Variants in MYO10 observed in about 807,000 individuals in gnomAD.
MYO10 encodes the protein myosin X.
MYO10 carries 133 observed loss-of-function variants against 257.3 expected under a neutral mutation model. The ratio of observed to expected loss-of-function variants is 0.52; its 90% CI spans 0.45 to 0.60. The LOEUF (loss-of-function observed/expected upper bound fraction) is 0.60. MYO10 is among the 20% of genes least tolerant of loss of function. MYO10 has a pLI of 0.00. For missense variants in MYO10, 2,399 were observed against 2,635.7 expected, an observed-to-expected ratio of 0.91 and a Z score of 1.97; for synonymous variants, 1,104 against 1,028.6, an observed-to-expected ratio of 1.07 and a Z score of -1.40.
chr5:16,729,178 A>G (rs1739484218), intron 19 of MYO10, among the ~76,000 whole-genome samples: 1 of 152,184 alleles, frequency 6.6e-6, no homozygotes, highest in Non-Finnish European at 1.5e-5. Flanking sequence ...GGTGTATATA[A>G]AAATCCACTG....
intron 2 of MYO10, among the ~76,000 whole-genome samples, chr5:16,874,143 G>A (rs1286577999): frequency 6.6e-6 from 1 of 151,882 alleles, no homozygotes; most frequent in East Asian, 1.9e-4. Flanking sequence ...GACCATCCTG[G>A]CTAACACGGT....
At chr5:16,905,360 G>C (rs981156093) in intron 1 of MYO10, among the ~76,000 whole-genome samples, 2 of 152,146 alleles carry the variant, frequency 1.3e-5, no homozygotes, top group East Asian at 3.9e-4. Context: ...AGCCCTTACT[G>C]TGTCTGAGTG....
At chr5:16,772,202 G>A (rs980442186) in intron 9 of MYO10, among the ~76,000 whole-genome samples, 10 of 150,618 alleles carry the variant, frequency 6.6e-5, no homozygotes, top group South Asian at 2.1e-4. Context: ...GCATGATCTC[G>A]GCTCACTACA....
intron 36 of MYO10, among the ~76,000 whole-genome samples, chr5:16,673,043 T>G (rs1736544820): frequency 6.6e-6 from 1 of 152,230 alleles, no homozygotes; most frequent in Admixed American, 6.5e-5. Context: ...TGAAAATAAC[T>G]CAGGGTATTT....
At chr5:16,781,263 A>G (rs1488360846) in intron 6 of MYO10, among the ~76,000 whole-genome samples, 3 of 151,846 alleles carry the variant, frequency 2.0e-5, no homozygotes, top group Admixed American at 2.0e-4. Flanking sequence ...TATTTTTAGT[A>G]TCGGTGGGGT....
At chr5:16,899,637 A>AAAAAACAAAAAAC (rs1554007337) in intron 1 of MYO10, among the ~76,000 whole-genome samples, 2 of 151,772 alleles carry the variant, frequency 1.3e-5, no homozygotes, top group African/African-American at 4.8e-5. Context: ...TCAAAAAAAA[A>AAAAAACAAAAAAC]AAAAACAAAA....
At position 16,670,682 on chromosome 5, in the gene MYO10, C is replaced by T. The variant is rs1383431087; in HGVS notation, c.5727G>A (p.Leu1909=). 3.1e-6 allele frequency: 5 copies of T among 1,614,026 alleles called. No individual in the cohort carries two copies. The South Asian group carries it at 5.5e-5, about 18-fold the overall frequency. ...VRQKVEEEQM[L]DMWIKEEVSS... ...AGACTTCTTCCTTAATCCACATGTC[C>T]AGCATCTGCTCCTCCTCGACCTTCT... The change falls in exon 39 of 41, where the codon CTG becomes CTA. Residue 1909 remains leucine, a synonymous_variant. Coordinates refer to ENST00000513610, the MANE Select transcript of MYO10 (RefSeq NM_012334.3).
chr5:16,840,347 G>C (rs1743439265), intron 2 of MYO10, among the ~76,000 whole-genome samples: 1 of 152,170 alleles, frequency 6.6e-6, no homozygotes, highest in Admixed American at 6.5e-5. Context: ...GGGAGGCAGA[G>C]GTTGCAGTGA....
intron 19 of MYO10, among the ~76,000 whole-genome samples, chr5:16,727,973 C>T (rs1739438427): frequency 6.6e-6 from 1 of 152,020 alleles, no homozygotes; most frequent in South Asian, 2.1e-4. Context: ...TTAATTATGT[C>T]CATGGGACAT....
chr5:16,866,918 C>T (rs1744267409), intron 2 of MYO10, among the ~76,000 whole-genome samples: 1 of 152,192 alleles, frequency 6.6e-6, no homozygotes, highest in Non-Finnish European at 1.5e-5. Flanking sequence ...TGGAGCTGCC[C>T]TCCCGGACCC....
At chr5:16,841,261 T>A (rs181719779) in intron 2 of MYO10, among the ~76,000 whole-genome samples, 2 of 152,336 alleles carry the variant, frequency 1.3e-5, no homozygotes, top group East Asian at 3.9e-4. Context: ...GAATCAGTTT[T>A]AAAGTCATTT....
Position 16,666,723 on chromosome 5 carries a change from C to T in MYO10, c.6146G>A (p.Arg2049His), listed in dbSNP as rs189877968. ...GGAGCTGCCCTGGCTGCTGGCGGAGCGTGTCGTGCTGTAGCGCTTCTTCAC... is the reference window on the plus strand; with the variant it reads ...GGAGCTGCCCTGGCTGCTGGCGGAGTGTGTCGTGCTGTAGCGCTTCTTCAC... Reference protein sequence around the residue: ...MIVKKRYSTTRSASSQGSSR With the variant: ...MIVKKRYSTTHSASSQGSSR The change falls in exon 41 of 41, where the codon CGC becomes CAC. Residue 2049 changes from arginine (R) to histidine (H), a missense_variant. Transcript: ENST00000513610. The T allele has an allele frequency of 7.2e-5, 116 of 1,606,542 alleles. 1 individual carries two copies. The Middle Eastern group carries it at 9.9e-4, about 14-fold the overall frequency.
intron 1 of MYO10, among the ~76,000 whole-genome samples, chr5:16,903,216 C>T (rs1399118721): frequency 1.3e-5 from 2 of 152,192 alleles, no homozygotes; most frequent in Non-Finnish European, 2.9e-5. Flanking sequence ...ACCAGCCTGA[C>T]CAACATGGTG....
At chr5:16,799,579 G>A (rs1385608086) in intron 3 of MYO10, among the ~76,000 whole-genome samples, 2 of 151,212 alleles carry the variant, frequency 1.3e-5, no homozygotes, top group Middle Eastern at 3.4e-3. Flanking sequence ...TGCAACCTTC[G>A]CCTCCCGTGT....
intron 2 of MYO10, among the ~76,000 whole-genome samples, chr5:16,853,694 T>C (rs1743878278): frequency 6.6e-6 from 1 of 152,160 alleles, no homozygotes; most frequent in South Asian, 2.1e-4. Context: ...TGCCATCCTA[T>C]ACTTAGGGGG....
At chr5:16,706,440 A>C (rs1738346621) in intron 21 of MYO10, among the ~76,000 whole-genome samples, 1 of 152,202 alleles carries the variant, frequency 6.6e-6, no homozygotes, top group South Asian at 2.1e-4. Context: ...AGCAGTTTTC[A>C]TCAAGACTGG....
At chr5:16,908,572 G>A (rs186270911) in intron 1 of MYO10, among the ~76,000 whole-genome samples, 16 of 152,188 alleles carry the variant, frequency 1.1e-4, no homozygotes, top group African/African-American at 3.9e-4. Flanking sequence ...TAAAAACAGA[G>A]GTACAAAGTG....
chr5:16,921,061 T>C (rs1745965307), intron 1 of MYO10, among the ~76,000 whole-genome samples: 1 of 152,064 alleles, frequency 6.6e-6, no homozygotes, highest in East Asian at 1.9e-4. Context: ...GAAGTTGCAG[T>C]GAGCCAAGAT....
intron 3 of MYO10, among the ~76,000 whole-genome samples, chr5:16,813,885 T>C (rs993736509): frequency 6.6e-6 from 1 of 152,084 alleles, no homozygotes; most frequent in South Asian, 2.1e-4. Flanking sequence ...GCACTGAAGA[T>C]GAAGAAAGGG....
Sources: gnomAD v4.1 joint callset for allele counts (sites outside exome capture counted in the v4.1 genomes callset) on GRCh38, gnomAD v4.1.1 for gene constraint, MANE v1.5 for transcripts, NCBI Gene and HGNC (gene_info 2026-07-23, HGNC 2026-07-21) for gene names.